CRPPA: variants seen among roughly 807,000 people sequenced by gnomAD.
The protein encoded by CRPPA is CDP-L-ribitol pyrophosphorylase A, also known as D-ribitol-5-phosphate cytidylyltransferase.
A neutral mutation model predicts 52.0 loss-of-function variants in CRPPA; 43 were observed. The ratio of observed to expected loss-of-function variants is 0.83; its 90% CI spans 0.65 to 1.07. The LOEUF (loss-of-function observed/expected upper bound fraction) is 1.07. Among genes scored for constraint, CRPPA ranks in the 50% least tolerant of loss-of-function variants. CRPPA has a pLI of 0.00. For missense variants in CRPPA, 629 were observed against 551.7 expected, an observed-to-expected ratio of 1.14 and a Z score of -1.40; for synonymous variants, 250 against 203.5, an observed-to-expected ratio of 1.23 and a Z score of -1.94.
Position 16,258,456 on chromosome 7 carries a change from G to A in CRPPA, c.1053C>T (p.Thr351=). 1 of 1,603,068 alleles carries A rather than the reference G, an allele frequency of 6.2e-7. No individual in the cohort carries two copies. Among genetic ancestry groups the A allele is most frequent in the Non-Finnish European group, 8.5e-7 (1 of 1,174,408 alleles). Residue 351 remains threonine, a synonymous_variant, in exon 8 of 10, where the codon ACC becomes ACT. Transcript: ENST00000407010. ...CTTCAAGCATGCTCAGTAACTTCTG[G>A]GTTTCTTGAAAATCAGAGGTTGTAA... ...VNVTTSDFQE[T]QKLLSMLEES...
intron 9 of CRPPA, among the ~76,000 whole-genome samples, chr7:16,161,096 T>C (rs988316372): frequency 6.6e-6 from 1 of 152,150 alleles, no homozygotes; most frequent in Non-Finnish European, 1.5e-5. Flanking sequence ...TTGTCTCATA[T>C]ACAATATACA....
At chr7:16,098,575 T>A (rs772718199) in intron 9 of CRPPA, among the ~76,000 whole-genome samples, 1 of 152,200 alleles carries the variant, frequency 6.6e-6, no homozygotes, top group Non-Finnish European at 1.5e-5. Flanking sequence ...GTACTAGCTA[T>A]ATTTACATCT....
intron 6 of CRPPA, among the ~76,000 whole-genome samples, chr7:16,259,822 T>A (rs1254531277): frequency 6.6e-6 from 1 of 152,002 alleles, no homozygotes; most frequent in Non-Finnish European, 1.5e-5. Context: ...ACAGTGCTGT[T>A]CCTTGGTGAA....
chr7:16,111,878 T>C (rs4282466), intron 9 of CRPPA, among the ~76,000 whole-genome samples: 48,877 of 152,058 alleles, frequency 0.32, 8,652 homozygotes, highest in Admixed American at 0.41. Context: ...AATGGGAATA[T>C]TGTACATTTC....
At chr7:16,311,769 C>T (rs972432581) in intron 3 of CRPPA, among the ~76,000 whole-genome samples, 1 of 151,982 alleles carries the variant, frequency 6.6e-6, no homozygotes. Context: ...TAGGTCTGAT[C>T]CATTTTGAGT....
At chr7:16,308,033 G>T (rs554541736) in intron 4 of CRPPA, among the ~76,000 whole-genome samples, 2 of 152,022 alleles carry the variant, frequency 1.3e-5, no homozygotes. Context: ...TGACTGGATC[G>T]TGGGGGCAGA....
chr7:16,211,988 T>C (rs982787240), intron 9 of CRPPA, among the ~76,000 whole-genome samples: 1 of 152,218 alleles, frequency 6.6e-6, no homozygotes, highest in Admixed American at 6.5e-5. Flanking sequence ...CCAAAAATAT[T>C]TATTTTATTG....
chr7:16,198,968 T>TG (rs1223538963), intron 9 of CRPPA, among the ~76,000 whole-genome samples: 1 of 152,200 alleles, frequency 6.6e-6, no homozygotes, highest in Non-Finnish European at 1.5e-5. Flanking sequence ...TAGGAACCTC[T>TG]GTTTCCAGCC....
rs1404077304 is a variant in CRPPA at position 16,286,086 on chromosome 7, T to A, written c.836-7860A>T. Among the ~76,000 whole-genome samples, 78 of 7,942 alleles carry A rather than the reference T, an allele frequency of 9.8e-3. 1 individual carries two copies. Among genetic ancestry groups the A allele is most frequent in the African/African-American group, 0.015 (12 of 810 alleles). The allele number at this position is 7,942 out of a possible 152,430, so 5.2% of individuals were successfully genotyped here. A position where few individuals can be genotyped will look rare whatever the true frequency, so the allele number is the denominator to read the frequency against. On this transcript the variant is annotated intron_variant, in intron 5 of 9. Coordinates refer to ENST00000407010, the MANE Select transcript of CRPPA (RefSeq NM_001101426.4). ...ATATATATATATATATATATAATAT[T>A]TAAAAAAAAAAATATATATATATAT...
chr7:16,381,086 G>C (rs1160605189), intron 2 of CRPPA, among the ~76,000 whole-genome samples: 2 of 151,624 alleles, frequency 1.3e-5, no homozygotes, highest in South Asian at 2.1e-4. Context: ...TGATGTTAGG[G>C]TGTCAATTTT....
chr7:16,203,494 CT>C, intron 9 of CRPPA, among the ~76,000 whole-genome samples: 1 of 152,228 alleles, frequency 6.6e-6, no homozygotes, highest in Middle Eastern at 3.4e-3. Context: ...GAGGCATTCT[CT>C]TTCCACTGAG....
intron 5 of CRPPA, among the ~76,000 whole-genome samples, chr7:16,290,280 C>A (rs559610960): frequency 5.3e-5 from 8 of 151,506 alleles, no homozygotes; most frequent in African/African-American, 1.7e-4. Context: ...ATATCCTTCA[C>A]AGAAATAGAA....
At chr7:16,301,377 C>G (rs769668133) in intron 5 of CRPPA, 44 bp downstream of exon 5, 2 of 1,544,868 alleles carry the variant, frequency 1.3e-6, no homozygotes, top group Non-Finnish European at 1.8e-6. Context: ...AACTGGCTTA[C>G]ATTTTTGAAA....
chr7:16,333,726 T>A (rs551413811), intron 3 of CRPPA, among the ~76,000 whole-genome samples: 3 of 152,284 alleles, frequency 2.0e-5, no homozygotes, highest in African/African-American at 7.2e-5. Flanking sequence ...AGATGGCTGA[T>A]TAGAATTTCT....
intron 8 of CRPPA, among the ~76,000 whole-genome samples, chr7:16,244,369 C>G (rs1386915218): frequency 6.6e-6 from 1 of 152,172 alleles, no homozygotes; most frequent in Non-Finnish European, 1.5e-5. Context: ...GTACCAACAA[C>G]CAAGCACCAT....
chr7:16,114,903 T>C (rs530756446), intron 9 of CRPPA, among the ~76,000 whole-genome samples: 41 of 152,058 alleles, frequency 2.7e-4, no homozygotes, highest in Non-Finnish European at 4.1e-4. Flanking sequence ...AATAAATGTA[T>C]AGTTATTACA....
intron 5 of CRPPA, among the ~76,000 whole-genome samples, chr7:16,290,294 A>G (rs530375411): frequency 2.0e-5 from 3 of 152,202 alleles, no homozygotes; most frequent in African/African-American, 7.2e-5. Context: ...AATAGAAAAA[A>G]AAACCAATCC....
At chr7:16,286,911 C>G (rs1007139356) in intron 5 of CRPPA, among the ~76,000 whole-genome samples, 1 of 151,988 alleles carries the variant, frequency 6.6e-6, no homozygotes, top group South Asian at 2.1e-4. Context: ...GTAATACAAC[C>G]CTTGTAAGTT....
intron 2 of CRPPA, among the ~76,000 whole-genome samples, chr7:16,397,659 G>A (rs2128316254): frequency 6.6e-6 from 1 of 152,052 alleles, no homozygotes; most frequent in Admixed American, 6.5e-5. Context: ...ACTGACATGT[G>A]ACTAAGACGT....
Sources: gnomAD v4.1 joint callset for allele counts (sites outside exome capture counted in the v4.1 genomes callset) on GRCh38, gnomAD v4.1.1 for gene constraint, MANE v1.5 for transcripts, NCBI Gene and HGNC (gene_info 2026-07-23, HGNC 2026-07-21) for gene names.